HDAC4: variants seen among roughly 807,000 people sequenced by gnomAD.
The protein encoded by HDAC4 is histone deacetylase 4.
In HDAC4, 16 loss-of-function variants were observed where a neutral mutation model predicts 135.1. That is an observed-to-expected ratio of 0.12 (90% CI 0.08 to 0.18). The LOEUF (loss-of-function observed/expected upper bound fraction) is 0.18, where lower values mean the gene tolerates loss of function less well. Among genes scored for constraint, HDAC4 ranks in the 10% least tolerant of loss-of-function variants. HDAC4 has a pLI of 1.00. For synonymous variants in HDAC4, 685 were observed against 653.4 expected (o/e 1.05, Z -0.74); for missense variants, 1,143 against 1,511.8 (o/e 0.76, Z 4.05).
At chr2:239,088,495 C>T (rs1427008217) in intron 18 of HDAC4, among the ~76,000 whole-genome samples, 3 of 152,330 alleles carry the variant, frequency 2.0e-5, no homozygotes, top group Middle Eastern at 3.4e-3. Flanking sequence ...CCCTCGGTCC[C>T]GACCCCTGCT....
rs866338764 is a variant in HDAC4, at chr2:239,282,793, C to A, written c.23-46129G>T. On this transcript the variant is annotated intron_variant, in intron 2 of 26. Transcript: ENST00000543185. The stretch of plus-strand genomic sequence containing the variant: ...TCTACAATGTACACACCCCTCTACA[C>A]ACAATGTACACACCACTCTACACAC... 3.0e-4 allele frequency among the ~76,000 whole-genome samples: 44 copies of A among 144,676 alleles called. 2 individuals are homozygous for A. Among genetic ancestry groups the A allele is most frequent in the Non-Finnish European group, 5.3e-4 (34 of 64,424 alleles). 94.9% of individuals were successfully genotyped at this position (144,676 alleles called of 152,430 possible).
In HDAC4 at chr2:239,126,691, C is replaced by G. The variant is rs929442528; in HGVS notation, c.1298G>C (p.Trp433Ser). Residue 433 changes from tryptophan to serine, a missense_variant, in exon 12 of 27, where the codon TGG becomes TCG. Trp to Ser is a radical substitution (Grantham distance 177). This residue lies in a region of HDAC4 where 272 missense variants were observed against 309.7 expected (regional missense o/e 0.88). Coordinates refer to ENST00000543185, the MANE Select transcript of HDAC4 (RefSeq NM_001378414.1). ...CAGTGCTCCCAGGCCTGAAAGATAC[C>G]AGTCTGAAGATAATTGGAGGAAGAA... ...PPAQAPLVTD[W>S]YLSGLGALPL... 1.2e-6 allele frequency: 2 copies of G among 1,613,430 alleles called. No homozygotes were observed. Among genetic ancestry groups the G allele is most frequent in the African/African-American group, 1.3e-5 (1 of 74,926 alleles).
rs534123290 is a variant in HDAC4, at chr2:239,332,095, TAAAC to T, written c.22+20579_22+20582del. 5.3e-5 allele frequency among the ~76,000 whole-genome samples: 8 copies of T among 152,208 alleles called. No individual in the cohort carries two copies. In the South Asian group the frequency reaches 1.2e-3, roughly 24 times the overall value. On this transcript the variant is annotated intron_variant, in intron 2 of 26. Transcript: ENST00000543185. ...GCCTAGGCTTAAAATAGCTTCAAAA[TAAAC>T]AAAGGCTAAACCTGACAGAGCTAAA...
At chr2:239,361,939 T>C (rs1693895427) in intron 1 of HDAC4, among the ~76,000 whole-genome samples, 2 of 152,234 alleles carry the variant, frequency 1.3e-5, no homozygotes, top group Non-Finnish European at 2.9e-5. Context: ...GGAAAGCACA[T>C]GCTACTAAGA....
chr2:239,156,735 G>C lies in HDAC4; in HGVS notation c.650C>G (p.Pro217Arg). 1.2e-6 allele frequency: 2 copies of C among 1,614,112 alleles called. No individual in the cohort carries two copies. Among genetic ancestry groups the C allele is most frequent in the Non-Finnish European group, 1.7e-6 (2 of 1,180,016 alleles). The part of the protein sequence containing the change: ...QHSSLDQSSP[P>R]QSGVSTSYNH... ...ATAGGAGGTCGACACTCCGCTCTGG[G>C]GTGGAGAACTCTGGTCAAGGGAACT... Residue 217 changes from proline to arginine, a missense_variant, in exon 7 of 27, where the codon CCC becomes CGC. Coordinates refer to ENST00000543185, the MANE Select transcript of HDAC4 (RefSeq NM_001378414.1).
rs1159145665 is a variant in HDAC4 at position 239,068,864 on chromosome 2, A to C, written c.2751-257T>G. On this transcript the variant is annotated intron_variant, in intron 22 of 26. Coordinates refer to ENST00000543185, the MANE Select transcript of HDAC4 (RefSeq NM_001378414.1). This position sits in a 1 kb window ranked among gnomAD's most constrained non-coding sequence, Gnocchi z 4.4. ...AGCCCCACGACACTTGCTTGGTGAGAGGGAGTCACGGTGCAAGCCAGCAAG... is the reference window on the plus strand; with the variant it reads ...AGCCCCACGACACTTGCTTGGTGAGCGGGAGTCACGGTGCAAGCCAGCAAG... 2.0e-6 allele frequency: 1 copy of C among 490,888 alleles called. No individual in the cohort carries two copies. Among genetic ancestry groups the C allele is most frequent in the African/African-American group, 2.0e-5 (1 of 51,106 alleles). The allele number at this position is 490,888 out of a possible 1,614,324, so 30.4% of individuals were successfully genotyped here.
chr2:239,166,234 T>C (rs2043115327), intron 5 of HDAC4, among the ~76,000 whole-genome samples: 1 of 152,028 alleles, frequency 6.6e-6, no homozygotes, highest in Admixed American at 6.6e-5. Context: ...GGAAACAGGG[T>C]CTACCCAGGC....
intron 13 of HDAC4, among the ~76,000 whole-genome samples, chr2:239,113,052 C>A (rs2038814887): frequency 6.6e-6 from 1 of 152,120 alleles, no homozygotes; most frequent in Non-Finnish European, 1.5e-5. Context: ...TGGTGAAACC[C>A]CATCTCTCCA....
intron 3 of HDAC4, among the ~76,000 whole-genome samples, chr2:239,208,070 C>A (rs1042479920): frequency 6.6e-6 from 1 of 151,966 alleles, no homozygotes; most frequent in Non-Finnish European, 1.5e-5. Flanking sequence ...CGCCTGTAAT[C>A]CCAGCACTTT....
At chr2:239,151,407 T>G (rs3791495) in intron 7 of HDAC4, among the ~76,000 whole-genome samples, 3 of 152,138 alleles carry the variant, frequency 2.0e-5, no homozygotes, top group Non-Finnish European at 2.9e-5. Flanking sequence ...GCGGGACAGC[T>G]TCCCCCCAAA....
At chr2:239,276,244 A>G (rs1444442623) in intron 2 of HDAC4, among the ~76,000 whole-genome samples, 1 of 152,246 alleles carries the variant, frequency 6.6e-6, no homozygotes, top group Non-Finnish European at 1.5e-5. Flanking sequence ...GCCCCGAACC[A>G]GAGAGCGGGT....
chr2:239,061,006 G>T (rs548164539), intron 24 of HDAC4, among the ~76,000 whole-genome samples: 1 of 152,232 alleles, frequency 6.6e-6, no homozygotes, highest in Non-Finnish European at 1.5e-5. Context: ...GCTGAAAGTC[G>T]GCCAGGAAGG....
intron 11 of HDAC4, among the ~76,000 whole-genome samples, chr2:239,127,494 C>T (rs2040274871): frequency 6.6e-6 from 1 of 152,172 alleles, no homozygotes; most frequent in African/African-American, 2.4e-5. Flanking sequence ...TAACATTTTT[C>T]CATGGTTTTG....
chr2:239,158,598 C>A (rs1195907854), intron 6 of HDAC4, among the ~76,000 whole-genome samples: 1 of 152,006 alleles, frequency 6.6e-6, no homozygotes, highest in African/African-American at 2.4e-5. Context: ...GGGCCCTGCC[C>A]CCCAACTGCC....
intron 16 of HDAC4, among the ~76,000 whole-genome samples, chr2:239,101,715 G>A (rs965373241): frequency 1.1e-4 from 17 of 152,134 alleles, no homozygotes; most frequent in Non-Finnish European, 1.6e-4. Context: ...GGAACAAAGG[G>A]AGCCCTGGGA....
Position 239,146,693 on chromosome 2 carries a change from C to T in HDAC4, c.734-1979G>A, listed in dbSNP as rs1325411431. Among the ~76,000 whole-genome samples, 1 of 151,348 alleles carries T rather than the reference C, an allele frequency of 6.6e-6. No homozygotes were observed. The highest frequency in any genetic ancestry group is 2.4e-5 in the African/African-American group (1 of 41,128). ...TCCCATGGTGGCTGCTTCACCCCAC[C>T]CCTTCCCTCCACTCCCCTCCCCTTC... On this transcript the variant is annotated intron_variant, in intron 7 of 26. Transcript: ENST00000543185. This position sits in a 1 kb window ranked among gnomAD's most constrained non-coding sequence, Gnocchi z 4.5.
Position 239,352,085 on chromosome 2 carries a change from T to A in HDAC4, c.22+593A>T, listed in dbSNP as rs1693208001. 6.6e-6 allele frequency among the ~76,000 whole-genome samples: 1 copy of A among 152,074 alleles called. No individual in the cohort carries two copies. The highest frequency in any genetic ancestry group is 6.5e-5 in the Admixed American group (1 of 15,270). ...AAGCTCAGAGCAGGACAAGCTTGCT[T>A]CCCAATCATGTGGGTCCCCCACCTA... On this transcript the variant is annotated intron_variant, in intron 2 of 26. Transcript: ENST00000543185. This position sits in a 1 kb window ranked among gnomAD's most constrained non-coding sequence, Gnocchi z 4.4.
Position 239,146,201 on chromosome 2 carries a change from T to C in HDAC4, c.734-1487A>G, listed in dbSNP as rs1001989179. ...ACAAGCTCCACTTCTATTTCCACGC[T>C]GGGTTTCTTGCCATTATTCAAAAGA... is the stretch of plus-strand genomic sequence containing the variant. On this transcript the variant is annotated intron_variant, in intron 7 of 26. Transcript: ENST00000543185. The surrounding 1 kb of genome is among the most constrained non-coding windows in gnomAD (Gnocchi z 4.5). 1.3e-5 allele frequency among the ~76,000 whole-genome samples: 2 copies of C among 152,208 alleles called. No homozygotes were observed. The highest frequency in any genetic ancestry group is 2.4e-5 in the African/African-American group (1 of 41,454).
chr2:239,201,571 C>G (rs914656125), intron 3 of HDAC4, among the ~76,000 whole-genome samples: 2 of 152,168 alleles, frequency 1.3e-5, no homozygotes, highest in Non-Finnish European at 2.9e-5. Context: ...TCCTAAAAAG[C>G]TCCTGGGGCT....
Sources: allele counts gnomAD v4.1 joint callset (sites outside exome capture counted in the v4.1 genomes callset), GRCh38; gene constraint gnomAD v4.1.1; regional missense constraint gnomAD v4.1.1; non-coding constraint Gnocchi (gnomAD v3.1); transcripts MANE v1.5; gene names NCBI Gene and HGNC (gene_info 2026-07-23, HGNC 2026-07-21).